CACNB2: variants seen among roughly 807,000 people sequenced by gnomAD.
The protein encoded by CACNB2 is calcium voltage-gated channel auxiliary subunit beta 2.
In CACNB2, 42 loss-of-function variants were observed where a neutral mutation model predicts 73.3. That is an observed-to-expected ratio of 0.57 (90% CI 0.45 to 0.74). The LOEUF (loss-of-function observed/expected upper bound fraction) is 0.74, where lower values mean the gene tolerates loss of function less well. Ranked by LOEUF, CACNB2 falls within the 30% of genes least tolerant of loss-of-function variation. The pLI is 0.00. For synonymous variants in CACNB2, 348 were observed against 310.3 expected (o/e 1.12, Z -1.28); for missense variants, 940 against 853.0 (o/e 1.10, Z -1.27).
intron 2 of CACNB2, among the ~76,000 whole-genome samples, chr10:18,321,683 T>G (rs2040402945): frequency 6.6e-6 from 1 of 152,224 alleles, no homozygotes; most frequent in Admixed American, 6.5e-5. Context: ...TCACAAACTT[T>G]TTTTTTAAAG....
At chr10:18,448,863 G>T (rs1452782051) in intron 3 of CACNB2, among the ~76,000 whole-genome samples, 1 of 152,232 alleles carries the variant, frequency 6.6e-6, no homozygotes, top group Non-Finnish European at 1.5e-5. Flanking sequence ...AGAGATGACA[G>T]TCACTGGAAT....
intron 3 of CACNB2, among the ~76,000 whole-genome samples, chr10:18,437,136 A>G (rs2046177158): frequency 6.6e-6 from 1 of 152,246 alleles, no homozygotes; most frequent in Non-Finnish European, 1.5e-5. Context: ...ATGCTATGGT[A>G]AACTCAAACA....
intron 2 of CACNB2, among the ~76,000 whole-genome samples, chr10:18,397,236 G>A (rs1276457154): frequency 6.6e-6 from 1 of 152,210 alleles, no homozygotes; most frequent in Non-Finnish European, 1.5e-5. Flanking sequence ...GGAGGCCGAG[G>A]TGGGCAGATC....
chr10:18,260,403 T>TA (rs2037481844), intron 2 of CACNB2: 1 of 984,058 alleles, frequency 1.0e-6, no homozygotes, highest in African/African-American at 1.7e-5. Flanking sequence ...CTTCCAGAGT[T>TA]ATGTTTATTT....
chr10:18,257,665 T>C (rs1470065468), intron 2 of CACNB2, among the ~76,000 whole-genome samples: 6 of 152,228 alleles, frequency 3.9e-5, no homozygotes, highest in Non-Finnish European at 8.8e-5. Context: ...TCCTCATCTT[T>C]GTGAAGGCTC....
At chr10:18,290,985 G>A (rs1438761940) in intron 2 of CACNB2, among the ~76,000 whole-genome samples, 2 of 152,246 alleles carry the variant, frequency 1.3e-5, no homozygotes, top group Admixed American at 6.5e-5. Flanking sequence ...CCCCTTTGGG[G>A]CTTCTATTTT....
chr10:18,399,328 C>A (rs550537231), intron 2 of CACNB2, among the ~76,000 whole-genome samples: 2 of 152,258 alleles, frequency 1.3e-5, no homozygotes, highest in Admixed American at 6.5e-5. Context: ...TTTGCTTGAA[C>A]GAAGAGTTTG....
intron 5 of CACNB2, among the ~76,000 whole-genome samples, chr10:18,502,495 C>G (rs1461166464): frequency 1.3e-5 from 2 of 150,414 alleles, no homozygotes; most frequent in African/African-American, 2.4e-5. Context: ...TTGAGACCAT[C>G]CTGGGCAACA....
chr10:18,486,901 G>A (rs2049089016), intron 3 of CACNB2, among the ~76,000 whole-genome samples: 2 of 152,096 alleles, frequency 1.3e-5, no homozygotes, highest in Admixed American at 1.3e-4. Flanking sequence ...ACGTGGACGT[G>A]GAAGAAATGA....
intron 2 of CACNB2, among the ~76,000 whole-genome samples, chr10:18,343,798 T>A (rs545382729): frequency 2.6e-5 from 4 of 152,292 alleles, no homozygotes; most frequent in African/African-American, 9.6e-5. Flanking sequence ...GTGGGTCAGC[T>A]ATCAGCGGGC....
At position 18,311,468 on chromosome 10, in the gene CACNB2, G is replaced by A. The variant is rs374636186; in HGVS notation, c.214-90456G>A. On this transcript the variant is annotated intron_variant, in intron 2 of 13. Coordinates refer to ENST00000324631, the MANE Select transcript of CACNB2 (RefSeq NM_201596.3). ...CATATACAACTTTTGACTCCCCAAA[G>A]CCTTACTACTAATAGCCTACTGTTG... Among the ~76,000 whole-genome samples, 287 of 152,186 alleles carry A rather than the reference G, an allele frequency of 1.9e-3. 1 individual carries two copies. Among genetic ancestry groups the A allele is most frequent in the African/African-American group, 5.0e-3 (206 of 41,538 alleles).
chr10:18,481,192 CTATATATATATATA>C (rs145814788), intron 3 of CACNB2, among the ~76,000 whole-genome samples: 515 of 36,682 alleles, frequency 0.014, 9 homozygotes, highest in African/African-American at 0.044. Context: ...TACATCTTCG[CTATATATATATATA>C]TATATATATA....
chr10:18,349,133 C>A lies in CACNB2; in HGVS notation c.214-52791C>A, dbSNP rs148444018. On this transcript the variant is annotated intron_variant, in intron 2 of 13. Transcript: ENST00000324631. ...AGTCCCACCAAACAGAACAAAGGGA[C>A]CTCAGCCTTTCTTCACTTCTTTGTT... 1.2e-3 allele frequency among the ~76,000 whole-genome samples: 181 copies of A among 152,222 alleles called. 1 individual carries two copies. Among genetic ancestry groups the A allele is most frequent in the African/African-American group, 4.1e-3 (170 of 41,558 alleles).
intron 3 of CACNB2, among the ~76,000 whole-genome samples, chr10:18,479,439 T>C (rs1256627508): frequency 6.6e-6 from 1 of 152,244 alleles, no homozygotes; most frequent in East Asian, 1.9e-4. Context: ...TAAGAGAACT[T>C]CTGGGATCTC....
chr10:18,498,669 A>G (rs2049987240), intron 4 of CACNB2, 192 bp downstream of exon 4: 2 of 612,244 alleles, frequency 3.3e-6, no homozygotes, highest in South Asian at 1.9e-5. Context: ...AAGAAGTCAC[A>G]GGCCTCTTGC....
chr10:18,444,876 T>C (rs1189850066), intron 3 of CACNB2, among the ~76,000 whole-genome samples: 1 of 152,222 alleles, frequency 6.6e-6, no homozygotes, highest in Non-Finnish European at 1.5e-5. Context: ...AACAAAGTAA[T>C]CAATGATATC....
rs139033714 is a variant in CACNB2, at chr10:18,441,961, T to C, written c.333+39918T>C. On this transcript the variant is annotated intron_variant, in intron 3 of 13. Transcript: ENST00000324631. ...GATATACATGTGTGTTGTATACATA[T>C]ACAGTTAAGGTAATTAATGTATCTG... 3.5e-3 allele frequency among the ~76,000 whole-genome samples: 532 copies of C among 152,350 alleles called. 2 individuals are homozygous for C. Among genetic ancestry groups the C allele is most frequent in the African/African-American group, 0.012 (511 of 41,586 alleles).
chr10:18,468,337 T>A (rs2048008664), intron 3 of CACNB2, among the ~76,000 whole-genome samples: 1 of 152,092 alleles, frequency 6.6e-6, no homozygotes, highest in Admixed American at 6.5e-5. Context: ...GGCATGCATA[T>A]GTAGTTTCAG....
chr10:18,459,684 G>T lies in CACNB2; in HGVS notation c.334-38671G>T, dbSNP rs188901678. 1.7e-3 allele frequency among the ~76,000 whole-genome samples: 264 copies of T among 152,200 alleles called. 1 individual carries two copies. The highest frequency in any genetic ancestry group is 5.9e-3 in the Admixed American group (90 of 15,272). ...TCTAGATATGTTATGTAGTTATTTG[G>T]GCAGTTCTTACTCTCCAGCTGTTTG... On this transcript the variant is annotated intron_variant, in intron 3 of 13. Coordinates refer to ENST00000324631, the MANE Select transcript of CACNB2 (RefSeq NM_201596.3).
Sources: gnomAD v4.1 joint callset for allele counts (sites outside exome capture counted in the v4.1 genomes callset) on GRCh38, gnomAD v4.1.1 for gene constraint, MANE v1.5 for transcripts, NCBI Gene and HGNC (gene_info 2026-07-23, HGNC 2026-07-21) for gene names.